SLC25A40: variants seen among roughly 807,000 people sequenced by gnomAD.
The protein encoded by SLC25A40 is solute carrier family 25 member 40.
SLC25A40 carries 41 observed loss-of-function variants against 46.5 expected under a neutral mutation model. The ratio of observed to expected loss-of-function variants is 0.88; its 90% CI spans 0.69 to 1.14. SLC25A40 has a LOEUF of 1.14. SLC25A40 is among the 50% of genes most tolerant of loss of function. SLC25A40 has a pLI of 0.00. For missense variants in SLC25A40, 386 were observed against 393.6 expected, an observed-to-expected ratio of 0.98 and a Z score of 0.16; for synonymous variants, 126 against 127.5, an observed-to-expected ratio of 0.99 and a Z score of 0.08.
At chr7:87,873,954 A>G (rs1838933727) in intron 1 of SLC25A40, among the ~76,000 whole-genome samples, 1 of 152,188 alleles carries the variant, frequency 6.6e-6, no homozygotes, top group Non-Finnish European at 1.5e-5. Flanking sequence ...TCCTCTGAAG[A>G]AATGTTTTCA....
intron 1 of SLC25A40, among the ~76,000 whole-genome samples, chr7:87,862,325 C>T (rs1017827973): frequency 2.0e-5 from 3 of 152,174 alleles, no homozygotes; most frequent in Non-Finnish European, 2.9e-5. Context: ...TTTCCTCCCT[C>T]AACTCCCTGC....
chr7:87,849,936 TA>T lies in SLC25A40; in HGVS notation c.276del (p.Phe92LeufsTer20). On this transcript the variant is annotated frameshift_variant, in exon 6 of 12. Coordinates refer to ENST00000341119, the MANE Select transcript of SLC25A40 (RefSeq NM_018843.4). LOFTEE classifies it high-confidence loss of function. ...TTAATGCCCTCATTTCGAATGATTT[TA>T]AAAAATGCATCCTAAAGTTATAATA... ...GNFQGTLDAF[F>X]KIIRNEGIKS... 6.3e-7 allele frequency: 1 copy of T among 1,597,184 alleles called. No individual in the cohort carries two copies. The highest frequency in any genetic ancestry group is 8.5e-7 in the Non-Finnish European group (1 of 1,171,648).
At chr7:87,847,393 C>T (rs1317089050) in intron 7 of SLC25A40, among the ~76,000 whole-genome samples, 2 of 152,080 alleles carry the variant, frequency 1.3e-5, no homozygotes, top group Non-Finnish European at 2.9e-5. Context: ...TTATAATCAA[C>T]CAGAACTATG....
Position 87,843,761 on chromosome 7 carries a change from G to C in SLC25A40, c.734C>G (p.Ser245Cys), listed in dbSNP as rs371146765. 26 of 1,602,918 alleles carry C rather than the reference G, an allele frequency of 1.6e-5. No homozygotes were observed. The highest frequency in any genetic ancestry group is 2.1e-5 in the Non-Finnish European group (25 of 1,171,896). Residue 245 changes from serine to cysteine, a missense_variant, in exon 9 of 12, where the codon TCT becomes TGT. Physicochemically the swap from Ser to Cys is moderately radical, Grantham distance 112. Transcript: ENST00000341119. ...FMINFTSGAL[S>C]GSFAAVATLP... ...ACAAAAGAATAAACTTACAGAACCA[G>C]ACAATGCCCCTGAAGTAAAGTTGAT...
At chr7:87,836,426 T>C in intron 11 of SLC25A40, 65 bp from the exon 12 acceptor site, 1 of 1,050,502 alleles carries the variant, frequency 9.5e-7, no homozygotes, top group Non-Finnish European at 1.3e-6. Flanking sequence ...AAAAATATTA[T>C]TTTTTGGCTT....
chr7:87,847,264 G>T, intron 7 of SLC25A40, 142 bp from the exon 8 acceptor site: 1 of 567,414 alleles, frequency 1.8e-6, no homozygotes, highest in Non-Finnish European at 2.7e-6. Flanking sequence ...AATTAAATGT[G>T]TCATGATGTC....
chr7:87,873,913 C>T (rs1838932580), intron 1 of SLC25A40, among the ~76,000 whole-genome samples: 1 of 152,098 alleles, frequency 6.6e-6, no homozygotes, highest in African/African-American at 2.4e-5. Context: ...ATAACCCTGC[C>T]CCCATTCACT....
chr7:87,849,594 T>G (rs546133188), intron 6 of SLC25A40, among the ~76,000 whole-genome samples: 1 of 152,212 alleles, frequency 6.6e-6, no homozygotes, highest in South Asian at 2.1e-4. Flanking sequence ...AGGGAGGACT[T>G]TGGAAGCCTA....
rs975048697 is a variant in SLC25A40, at chr7:87,833,835, T to TTTGA, written c.*2410_*2413dup. On this transcript the variant is annotated 3_prime_UTR_variant, in exon 12 of 12. Coordinates refer to ENST00000341119, the MANE Select transcript of SLC25A40 (RefSeq NM_018843.4). ...CTCTCCCTCCTCCCACCCTCCACCCTTTGATAGGCCCCAGTACATGTTGTT... is the reference window on the plus strand; with the variant it reads ...CTCTCCCTCCTCCCACCCTCCACCCTTTGATTGATAGGCCCCAGTACATGTTGTT... The TTTGA allele has an allele frequency of 2.4e-4, 36 of 151,902 alleles. No individual in the cohort carries two copies. The highest frequency in any genetic ancestry group is 1.7e-3 in the South Asian group (8 of 4,824). The allele number at this position is 151,902 out of a possible 1,614,324, so 9.4% of individuals were successfully genotyped here.
At chr7:87,872,183 G>A (rs768341303) in intron 1 of SLC25A40, among the ~76,000 whole-genome samples, 3 of 152,082 alleles carry the variant, frequency 2.0e-5, no homozygotes, top group Non-Finnish European at 4.4e-5. Context: ...ACTTTTGTGG[G>A]TTTGACAAAC....
Position 87,836,774 on chromosome 7 carries a change from A to G in SLC25A40, c.860T>C (p.Met287Thr). The G allele has an allele frequency of 6.5e-7, 1 of 1,537,742 alleles. No homozygotes were observed. Among genetic ancestry groups the G allele is most frequent in the Admixed American group, 2.2e-5 (1 of 44,666 alleles). Residue 287 changes from methionine (M) to threonine (T), a missense_variant, in exon 11 of 12, where the codon ATG becomes ACG. By Grantham distance (81) the Met-to-Thr change is moderately conservative (BLOSUM62 -1). Transcript: ENST00000341119. The part of the protein sequence containing the change: ...MPLHMSTWII[M>T]KNIVAKNGFS... ...TCCATTTTTAGCAACAATGTTCTTC[A>G]TTATAATCCAGGTTGACATATGCAA...
intron 1 of SLC25A40, among the ~76,000 whole-genome samples, chr7:87,872,602 T>C (rs573288744): frequency 6.6e-6 from 1 of 152,326 alleles, no homozygotes; most frequent in Admixed American, 6.5e-5. Flanking sequence ...AACCATTTAC[T>C]ACTCTCATCA....
At chr7:87,867,068 T>C (rs1166878558) in intron 1 of SLC25A40, among the ~76,000 whole-genome samples, 1 of 152,240 alleles carries the variant, frequency 6.6e-6, no homozygotes, top group Non-Finnish European at 1.5e-5. Context: ...CGGCTGGTTT[T>C]CCCAACATAT....
At chr7:87,846,466 C>T (rs1233647061) in intron 8 of SLC25A40, among the ~76,000 whole-genome samples, 1 of 152,230 alleles carries the variant, frequency 6.6e-6, no homozygotes, top group East Asian at 1.9e-4. Context: ...CTTTTCATAA[C>T]TGAGTAATCA....
In SLC25A40 at chr7:87,876,093, T is replaced by C. The variant is rs534673856; in HGVS notation, c.-94+3A>G. On this transcript the variant is annotated splice_donor_region_variant and intron_variant, in intron 1 of 11. Coordinates refer to ENST00000341119, the MANE Select transcript of SLC25A40 (RefSeq NM_018843.4). ...ACGTCCGACCAGTGGAAAATTAGCA[T>C]ACCTGGGGCAGAAGGCAGCTGCAGG... 2.0e-5 allele frequency: 3 copies of C among 152,468 alleles called. No individual in the cohort carries two copies. The highest frequency in any genetic ancestry group is 7.2e-5 in the African/African-American group (3 of 41,546). 9.4% of individuals were successfully genotyped at this position (152,468 alleles called of 1,614,324 possible).
intron 1 of SLC25A40, among the ~76,000 whole-genome samples, chr7:87,864,867 T>C (rs1222670107): frequency 1.3e-5 from 2 of 152,198 alleles, no homozygotes; most frequent in Non-Finnish European, 2.9e-5. Flanking sequence ...AATGGCTGTT[T>C]TCTAACTTGT....
chr7:87,856,366 TAA>T lies in SLC25A40; in HGVS notation c.98-17_98-16del. On this transcript the variant is annotated splice_polypyrimidine_tract_variant and intron_variant, in intron 3 of 11. Transcript: ENST00000341119. ...CAGGGGTGTCACTATGAAGATATGT[TAA>T]GTTTCAATTAGCGAGTGGTATCTGT... 1 of 1,605,674 alleles carries T rather than the reference TAA, an allele frequency of 6.2e-7. No individual in the cohort carries two copies. Among genetic ancestry groups the T allele is most frequent in the Non-Finnish European group, 8.5e-7 (1 of 1,172,416 alleles).
At chr7:87,848,165 G>A (rs1260340509) in intron 6 of SLC25A40, among the ~76,000 whole-genome samples, 188 bp from the exon 7 acceptor site, 1 of 152,112 alleles carries the variant, frequency 6.6e-6, no homozygotes, top group Non-Finnish European at 1.5e-5. Context: ...TAACTTAGTA[G>A]GCAGTAAAAA....
intron 1 of SLC25A40, among the ~76,000 whole-genome samples, chr7:87,865,175 A>G (rs1306606721): frequency 6.6e-6 from 1 of 151,964 alleles, no homozygotes; most frequent in Non-Finnish European, 1.5e-5. Context: ...GTGTATCTAC[A>G]ATAAGTTTTT....
Sources: gnomAD v4.1 joint callset for allele counts (sites outside exome capture counted in the v4.1 genomes callset) on GRCh38, gnomAD v4.1.1 for gene constraint, MANE v1.5 for transcripts, NCBI Gene and HGNC (gene_info 2026-07-23, HGNC 2026-07-21) for gene names.